The following BACH2 variants were observed in gnomAD, a reference collection of about 807,000 sequenced individuals.
BACH2 encodes the protein BACH transcriptional regulator 2.
BACH2 carries 5 observed loss-of-function variants against 61.8 expected under a neutral mutation model. That is an observed-to-expected ratio of 0.08 (90% CI 0.04 to 0.17). The LOEUF (loss-of-function observed/expected upper bound fraction) is 0.17. Ranked by LOEUF, BACH2 falls within the 10% of genes least tolerant of loss-of-function variation. The pLI is 1.00. For synonymous variants in BACH2, 446 were observed against 440.1 expected (o/e 1.01, Z -0.17); for missense variants, 824 against 1,091.1 (o/e 0.76, Z 3.45).
intron 4 of BACH2, among the ~76,000 whole-genome samples, chr6:90,197,886 A>G (rs1156650871): frequency 6.6e-6 from 1 of 152,212 alleles, no homozygotes; most frequent in Non-Finnish European, 1.5e-5. Context: ...TTCCAAAACC[A>G]ACAATCACAA....
intron 4 of BACH2, 42 bp downstream of exon 4, chr6:90,206,526 CG>C (rs1769152781): frequency 1.3e-5 from 2 of 152,284 alleles, no homozygotes; most frequent in South Asian, 4.1e-4. Flanking sequence ...ATCATGGTAC[CG>C]TAAAGGAAAT....
intron 5 of BACH2, among the ~76,000 whole-genome samples, chr6:90,082,313 CCACT>C (rs1156469934): frequency 6.6e-6 from 1 of 152,134 alleles, no homozygotes; most frequent in African/African-American, 2.4e-5. Flanking sequence ...TCTTACAGGG[CCACT>C]CACTATCATT....
At chr6:90,018,006 G>T (rs1389091085) in intron 5 of BACH2, among the ~76,000 whole-genome samples, 1 of 152,172 alleles carries the variant, frequency 6.6e-6, no homozygotes, top group Non-Finnish European at 1.5e-5. Context: ...AGATTTGTTA[G>T]ATAGGAAAAG....
At chr6:90,267,155 A>G (rs993454185) in intron 2 of BACH2, among the ~76,000 whole-genome samples, 2 of 152,126 alleles carry the variant, frequency 1.3e-5, no homozygotes. Flanking sequence ...TTCTTTTCCC[A>G]TGTCCTCTAC....
intron 1 of BACH2, among the ~76,000 whole-genome samples, chr6:90,272,682 CTCTTCT>C (rs1485884299): frequency 6.6e-6 from 1 of 152,144 alleles, no homozygotes; most frequent in Non-Finnish European, 1.5e-5. Context: ...TGCTCATTCC[CTCTTCT>C]TCAATTCCAG....
chr6:89,960,113 G>A (rs1294036902), intron 6 of BACH2, among the ~76,000 whole-genome samples: 1 of 152,186 alleles, frequency 6.6e-6, no homozygotes, highest in Non-Finnish European at 1.5e-5. Context: ...AGCCCTAGGA[G>A]TGGTAGATAC....
chr6:90,145,451 G>C (rs1784585104), intron 4 of BACH2, among the ~76,000 whole-genome samples: 2 of 152,188 alleles, frequency 1.3e-5, no homozygotes, highest in African/African-American at 4.8e-5. Context: ...GGGGTTGCAA[G>C]TGAATAGAAA....
In BACH2 at chr6:89,932,626, A is replaced by G. The variant is rs766772225; in HGVS notation, c.2308T>C (p.Leu770=). The change falls in exon 9 of 9, where the codon TTG becomes CTG. Residue 770 remains leucine (L), a synonymous_variant. Transcript: ENST00000257749. ...CAVGENVPCC[L]EPGAAPPGPP... is the part of the protein sequence containing the mutation. ...CCGGGGGGAGCCGCGCCTGGCTCCA[A>G]GCAGCAGGGCACGTTTTCCCCCACT... 7 of 1,614,086 alleles carry G rather than the reference A, an allele frequency of 4.3e-6. No individual in the cohort carries two copies. Among genetic ancestry groups the G allele is most frequent in the Middle Eastern group, 3.3e-4 (2 of 6,054 alleles).
At chr6:90,262,941 C>A (rs777477659) in intron 2 of BACH2, among the ~76,000 whole-genome samples, 2 of 152,160 alleles carry the variant, frequency 1.3e-5, no homozygotes, top group Non-Finnish European at 2.9e-5. Context: ...CAAGAAACTA[C>A]ACATGCATTT....
At position 89,950,333 on chromosome 6, in the gene BACH2, G is replaced by A. The variant is rs1774000663; in HGVS notation, c.1773C>T (p.Asp591=). ...CEQSYGTNSS[D]ESGSFSEADS... is the part of the protein sequence containing the mutation. Reference sequence around the variant, plus strand: ...CTGCTTCCGAGAACGATCCGGATTCGTCACTGGAGTTGGTTCCATAAGACT... The same window carrying A: ...CTGCTTCCGAGAACGATCCGGATTCATCACTGGAGTTGGTTCCATAAGACT... The change falls in exon 7 of 9, where the codon GAC becomes GAT. Residue 591 remains aspartate, a synonymous_variant. Transcript: ENST00000257749. The surrounding 1 kb of genome is among the most constrained non-coding windows in gnomAD (Gnocchi z 5.3). The A allele has an allele frequency of 2.3e-5, 37 of 1,613,990 alleles. No individual in the cohort carries two copies. The highest frequency in any genetic ancestry group is 2.8e-5 in the Non-Finnish European group (33 of 1,180,036).
At position 90,154,187 on chromosome 6, in the gene BACH2, T is replaced by C. The variant is rs147503590; in HGVS notation, c.-162+52382A>G. ...AACCCTAGCTATTTGCAGAGTAGAA[T>C]TGCAGGTTCCATTGGCAAAAAAGTG... On this transcript the variant is annotated intron_variant, in intron 4 of 8. Transcript: ENST00000257749. 6.1e-3 allele frequency among the ~76,000 whole-genome samples: 928 copies of C among 152,264 alleles called. 9 individuals are homozygous for C. Among genetic ancestry groups the C allele is most frequent in the African/African-American group, 0.019 (809 of 41,544 alleles).
Position 90,192,591 on chromosome 6 carries a change from T to C in BACH2, c.-162+13978A>G, listed in dbSNP as rs549038794. Among the ~76,000 whole-genome samples, 13 of 152,326 alleles carry C rather than the reference T, an allele frequency of 8.5e-5. No homozygotes were observed. In the South Asian group the frequency reaches 2.7e-3, roughly 32 times the overall value. Reference sequence around the variant, plus strand: ...TATCCTTTTCTCCCTCTTGGAAATATATCATTTTTCAGCAATAGTAGAACA... The same window carrying C: ...TATCCTTTTCTCCCTCTTGGAAATACATCATTTTTCAGCAATAGTAGAACA... On this transcript the variant is annotated intron_variant, in intron 4 of 8. Coordinates refer to ENST00000257749, the MANE Select transcript of BACH2 (RefSeq NM_021813.4).
intron 6 of BACH2, among the ~76,000 whole-genome samples, chr6:90,000,808 A>C (rs1211021992): frequency 1.3e-5 from 2 of 152,234 alleles, no homozygotes; most frequent in Non-Finnish European, 2.9e-5. Context: ...CCTGTAAGGA[A>C]GGCCCTTTCT....
chr6:90,081,742 C>T (rs1049644686), intron 5 of BACH2, among the ~76,000 whole-genome samples: 1 of 152,182 alleles, frequency 6.6e-6, no homozygotes, highest in South Asian at 2.1e-4. Context: ...CAGCTAGCTG[C>T]TTACTAAATA....
intron 2 of BACH2, among the ~76,000 whole-genome samples, chr6:90,261,430 C>G (rs1233356055): frequency 1.3e-5 from 2 of 152,174 alleles, no homozygotes; most frequent in East Asian, 3.8e-4. Context: ...AGTATCTAAG[C>G]TCCTTGAAAG....
intron 4 of BACH2, among the ~76,000 whole-genome samples, chr6:90,143,182 A>C (rs1349166054): frequency 6.6e-6 from 1 of 152,218 alleles, no homozygotes; most frequent in Non-Finnish European, 1.5e-5. Flanking sequence ...CAGAAAGGTC[A>C]GGCACCAGAC....
chr6:90,113,615 A>G (rs1783272328), intron 4 of BACH2, among the ~76,000 whole-genome samples: 1 of 152,128 alleles, frequency 6.6e-6, no homozygotes, highest in Admixed American at 6.5e-5. Flanking sequence ...CATAGCACTA[A>G]ATGTTCACAT....
chr6:90,265,186 T>C (rs546991569), intron 2 of BACH2, among the ~76,000 whole-genome samples: 1 of 152,192 alleles, frequency 6.6e-6, no homozygotes, highest in African/African-American at 2.4e-5. Flanking sequence ...ATTATGGGGA[T>C]CCACTTCACC....
At chr6:90,162,497 C>G (rs1008083003) in intron 4 of BACH2, among the ~76,000 whole-genome samples, 6 of 152,040 alleles carry the variant, frequency 3.9e-5, no homozygotes, top group Admixed American at 1.3e-4. Context: ...TAAAAATTAG[C>G]TGGGCGTGGT....
Sources: gnomAD v4.1 joint callset for allele counts (sites outside exome capture counted in the v4.1 genomes callset) on GRCh38, gnomAD v4.1.1 for gene constraint, Gnocchi (gnomAD v3.1) non-coding constraint, MANE v1.5 for transcripts, NCBI Gene and HGNC (gene_info 2026-07-23, HGNC 2026-07-21) for gene names.